The following MCM3AP variants were observed in gnomAD, a reference collection of about 807,000 sequenced individuals.
MCM3AP encodes minichromosome maintenance complex component 3 associated protein, also known as germinal-center associated nuclear protein.
A neutral mutation model predicts 184.1 loss-of-function variants in MCM3AP; 126 were observed. That is an observed-to-expected ratio of 0.68 (90% CI 0.59 to 0.79). The LOEUF is 0.79. MCM3AP is among the 30% of genes least tolerant of loss of function. The probability of loss-of-function intolerance (pLI) is 0.00; values close to 1 mark genes in which losing one functional copy is unlikely to be tolerated. For missense variants in MCM3AP, 2,496 were observed against 2,479.2 expected (o/e 1.01, Z -0.14); for synonymous variants, 1,002 against 979.3 (o/e 1.02, Z -0.43).
chr21:46,254,669 C>T (rs1459220361), intron 18 of MCM3AP, 107 bp downstream of exon 18: 28 of 1,412,334 alleles, frequency 2.0e-5, no homozygotes, highest in Non-Finnish European at 2.8e-5. Flanking sequence ...AAGTCTGGAG[C>T]TCATCGAAGA....
At chr21:46,275,034 A>T (rs996660130) in intron 6 of MCM3AP, 152 bp downstream of exon 6, 2 of 721,726 alleles carry the variant, frequency 2.8e-6, no homozygotes, top group Admixed American at 3.8e-5. Flanking sequence ...TTACAGAGTG[A>T]ACATCTCACA....
At chr21:46,252,796 T>C (rs929648200) in intron 19 of MCM3AP, 1 of 152,072 alleles carries the variant, frequency 6.6e-6, no homozygotes, top group Non-Finnish European at 1.5e-5. Flanking sequence ...ATGTACACTT[T>C]AAATGGGTGA....
In MCM3AP at chr21:46,280,521, T is replaced by C. The variant is rs746228634; in HGVS notation, c.1498A>G (p.Ile500Val). 8.7e-6 allele frequency: 14 copies of C among 1,611,828 alleles called. No homozygotes were observed. The East Asian group carries it at 1.6e-4, about 18-fold the overall frequency. Residue 500 changes from isoleucine to valine, a missense_variant, in exon 3 of 28, where the codon ATC (isoleucine) becomes GTC (valine). Physicochemically the swap from Ile to Val is conservative, Grantham distance 29 (BLOSUM62 3). Around this residue, in one of 5 missense-constraint regions of MCM3AP, gnomAD observed 800 missense variants for 717.1 expected, o/e 1.12. Coordinates refer to ENST00000291688, the MANE Select transcript of MCM3AP (RefSeq NM_003906.5). ...KGKSLHKDMA[I>V]FWHRKKISPN... ...CTTATTTTCTTCCTGTGCCAAAAGA[T>C]AGCCATGTCTTTATGCAAACTTTTC...
At chr21:46,254,905 T>C in intron 17 of MCM3AP, 61 bp from the exon 18 acceptor site, 1 of 1,245,098 alleles carries the variant, frequency 8.0e-7, no homozygotes, top group Non-Finnish European at 1.2e-6. Context: ...TACTGGCTAG[T>C]GTCCCCTGGG....
chr21:46,235,673 T>G (rs1423110903), intron 27 of MCM3AP, among the ~76,000 whole-genome samples: 1 of 152,206 alleles, frequency 6.6e-6, no homozygotes, highest in African/African-American at 2.4e-5. Flanking sequence ...GTCAGTCATT[T>G]TTCACCCAGG....
intron 20 of MCM3AP, among the ~76,000 whole-genome samples, chr21:46,248,090 G>A (rs1483660227): frequency 6.6e-6 from 1 of 152,186 alleles, no homozygotes; most frequent in African/African-American, 2.4e-5. Context: ...CATACCTAAA[G>A]GCTGCAGATG....
intron 11 of MCM3AP, 143 bp downstream of exon 11, chr21:46,265,782 A>AC: frequency 9.3e-7 from 1 of 1,080,830 alleles, no homozygotes; most frequent in Non-Finnish European, 1.3e-6. Context: ...AGGAAGAGCC[A>AC]CACCCCTGGG....
chr21:46,250,497 AAC>A (rs1256221486), intron 20 of MCM3AP: 2 of 152,236 alleles, frequency 1.3e-5, no homozygotes, highest in African/African-American at 2.4e-5. Flanking sequence ...TTAGGTTATA[AAC>A]ACACTCAGAC....
rs906869360 is a variant in MCM3AP at position 46,264,125 on chromosome 21, G to A, written c.3327C>T (p.Ala1109=). The A allele has an allele frequency of 5.6e-6, 9 of 1,612,732 alleles. No homozygotes were observed. The highest frequency in any genetic ancestry group is 4.4e-5 in the South Asian group (4 of 91,040). ...CACGAGATGCCACTCACCCCAGGGC[G>A]GCAGCTGCGTAGGCAGCACCCGCAG... ...VGSAGAAYAA[A]ALGVSNAAME... Residue 1109 remains alanine, a synonymous_variant, in exon 13 of 28, where the codon GCC becomes GCT. Coordinates refer to ENST00000291688, the MANE Select transcript of MCM3AP (RefSeq NM_003906.5).
At chr21:46,251,734 T>G (rs541259374) in intron 19 of MCM3AP, 52 bp from the exon 20 acceptor site, 2 of 1,155,530 alleles carry the variant, frequency 1.7e-6, no homozygotes, top group East Asian at 2.6e-5. Context: ...AGAATCTAAT[T>G]CTATATTTGA....
At chr21:46,283,965 T>A in intron 1 of MCM3AP, 103 bp downstream of exon 1, 2 of 1,539,600 alleles carry the variant, frequency 1.3e-6, no homozygotes, top group Middle Eastern at 2.4e-4. Flanking sequence ...GAATCCCTAA[T>A]GTTTATGGGA....
intron 6 of MCM3AP, 102 bp downstream of exon 6, chr21:46,275,083 AC>A: frequency 7.6e-7 from 1 of 1,318,672 alleles, no homozygotes. Context: ...TAGCACAAAT[AC>A]CCAACACTGT....
rs1179339172 is a variant in MCM3AP at position 46,275,260 on chromosome 21, G to T, written c.1924C>A (p.Pro642Thr). 1 of 1,614,078 alleles carries T rather than the reference G, an allele frequency of 6.2e-7. No homozygotes were observed. Among genetic ancestry groups the T allele is most frequent in the Non-Finnish European group, 8.5e-7 (1 of 1,180,008 alleles). The part of the protein sequence containing the change: ...TFVGTCLDMC[P>T]EKERYMRETR... ...TCCCGCATGTACCTCTCCTTCTCAGGACACATATCCAGGCAGGTGCCAACA... is the reference window on the plus strand; with the variant it reads ...TCCCGCATGTACCTCTCCTTCTCAGTACACATATCCAGGCAGGTGCCAACA... The change falls in exon 6 of 28, where the codon CCT becomes ACT. Residue 642 changes from proline to threonine, a missense_variant. Transcript: ENST00000291688.
At chr21:46,249,654 A>G (rs530197948) in intron 20 of MCM3AP, 2 of 442,404 alleles carry the variant, frequency 4.5e-6, no homozygotes, top group Admixed American at 2.6e-5. Context: ...CTCGCATGAC[A>G]TATAACATCC....
At position 46,280,527 on chromosome 21, in the gene MCM3AP, T is replaced by C; in HGVS notation, c.1492A>G (p.Met498Val). 3 of 1,612,692 alleles carry C rather than the reference T, an allele frequency of 1.9e-6. No homozygotes were observed. Among genetic ancestry groups the C allele is most frequent in the Non-Finnish European group, 2.5e-6 (3 of 1,179,024 alleles). Residue 498 changes from methionine (M) to valine (V), a missense_variant, in exon 3 of 28, where the codon ATG becomes GTG. Around this residue, in one of 5 missense-constraint regions of MCM3AP, gnomAD observed 800 missense variants for 717.1 expected, o/e 1.12. Transcript: ENST00000291688. ...RKKGKSLHKD[M>V]AIFWHRKKIS... Reference sequence around the variant, plus strand: ...TTCTTCCTGTGCCAAAAGATAGCCATGTCTTTATGCAAACTTTTCCCCTTC... The same window carrying C: ...TTCTTCCTGTGCCAAAAGATAGCCACGTCTTTATGCAAACTTTTCCCCTTC...
Position 46,256,834 on chromosome 21 carries a change from A to C in MCM3AP, c.3887T>G (p.Leu1296Arg). Residue 1296 changes from leucine (L) to arginine (R), a missense_variant, in exon 17 of 28, where the codon CTC (leucine) becomes CGC (arginine). Coordinates refer to ENST00000291688, the MANE Select transcript of MCM3AP (RefSeq NM_003906.5). ...PIAEENLARG[L>R]LDLGHAGRLG... Reference sequence around the variant, plus strand: ...TCTCCCTGCATGGCCCAGGTCCAGGAGGCCCCTGGCCAGGTTCTCTTCAGC... The same window carrying C: ...TCTCCCTGCATGGCCCAGGTCCAGGCGGCCCCTGGCCAGGTTCTCTTCAGC... 6.4e-7 allele frequency: 1 copy of C among 1,568,298 alleles called. No homozygotes were observed. Among genetic ancestry groups the C allele is most frequent in the Non-Finnish European group, 8.6e-7 (1 of 1,156,454 alleles).
At chr21:46,239,123 GGCCC>G (rs1264734443) in intron 26 of MCM3AP, among the ~76,000 whole-genome samples, 1 of 152,210 alleles carries the variant, frequency 6.6e-6, no homozygotes, top group Non-Finnish European at 1.5e-5. Context: ...CAAACTCAGA[GGCCC>G]AACTGTGAAC....
chr21:46,285,790 G>C (rs1220309525), upstream of MCM3AP: 1 of 153,312 alleles, frequency 6.5e-6, no homozygotes, highest in African/African-American at 2.4e-5. Context: ...AGCGTTTCGG[G>C]ATCTCCTCCC....
chr21:46,284,590 C>A lies in MCM3AP; in HGVS notation c.697G>T (p.Glu233Ter). The A allele has an allele frequency of 6.2e-7, 1 of 1,614,192 alleles. No homozygotes were observed. Among genetic ancestry groups the A allele is most frequent in the Non-Finnish European group, 8.5e-7 (1 of 1,180,022 alleles). ...TPALSNQNVE[E>*]EKRGPKSIFG... ...ATTGACTTAGGTCCTCTCTTCTCTTCCTCTACATTTTGGTTTGACAAAGCA... is the reference window on the plus strand; with the variant it reads ...ATTGACTTAGGTCCTCTCTTCTCTTACTCTACATTTTGGTTTGACAAAGCA... Residue 233 changes from glutamate to a stop codon, truncating the protein, a stop_gained, in exon 1 of 28, where the codon GAA (glutamate) becomes TAA (stop). Transcript: ENST00000291688. LOFTEE classifies it high-confidence loss of function.
Sources: allele counts gnomAD v4.1 joint callset (sites outside exome capture counted in the v4.1 genomes callset), GRCh38; gene constraint gnomAD v4.1.1; regional missense constraint gnomAD v4.1.1; transcripts MANE v1.5; gene names NCBI Gene and HGNC (gene_info 2026-07-23, HGNC 2026-07-21).